Variants in EIF4B observed in about 807,000 individuals in gnomAD.
EIF4B encodes the protein eukaryotic translation initiation factor 4B.
A neutral mutation model predicts 79.3 loss-of-function variants in EIF4B; 8 were observed. The observed-to-expected ratio is 0.10, with a 90% CI of 0.06 to 0.18. The LOEUF (loss-of-function observed/expected upper bound fraction) is 0.18, where lower values mean the gene tolerates loss of function less well. Ranked by LOEUF, EIF4B falls within the 10% of genes least tolerant of loss-of-function variation. The pLI, the probability that EIF4B is intolerant of heterozygous loss-of-function variation, is 1.00. For missense variants in EIF4B, 515 were observed against 792.4 expected (o/e 0.65, Z 4.20); for synonymous variants, 238 against 274.7 (o/e 0.87, Z 1.32).
chr12:53,020,074 T>G (rs753106985), intron 4 of EIF4B, 48 bp downstream of exon 4: 1 of 1,471,720 alleles, frequency 6.8e-7, no homozygotes, highest in South Asian at 1.2e-5. Context: ...TTCACAAATC[T>G]CATGTTTATT....
intron 1 of EIF4B, among the ~76,000 whole-genome samples, chr12:53,007,860 C>T (rs1942995180): frequency 6.6e-6 from 1 of 152,188 alleles, no homozygotes; most frequent in Admixed American, 6.6e-5. Context: ...TTGTCTCCTT[C>T]CATCCTGAGG....
Position 53,022,538 on chromosome 12 carries a change from A to G in EIF4B, c.578A>G (p.Asp193Gly). The change falls in exon 6 of 15, where the codon GAC becomes GGC. Residue 193 changes from aspartate (D) to glycine (G), a missense_variant. This residue lies in a region of EIF4B where 187 missense variants were observed against 256.5 expected (regional missense o/e 0.73). Coordinates refer to ENST00000262056, the MANE Select transcript of EIF4B (RefSeq NM_001417.7). ...GGCCGTGATAGAAATCGGGATTCTGACAAAACAGATACAGACTGGAGGGCT... is the reference window on the plus strand; with the variant it reads ...GGCCGTGATAGAAATCGGGATTCTGGCAAAACAGATACAGACTGGAGGGCT... ...SFGRDRNRDS[D>G]KTDTDWRARP... 2 of 1,613,462 alleles carry G rather than the reference A, an allele frequency of 1.2e-6. No homozygotes were observed. The highest frequency in any genetic ancestry group is 8.5e-7 in the Non-Finnish European group (1 of 1,179,880).
At position 53,011,598 on chromosome 12, in the gene EIF4B, C is replaced by T. The variant is rs183505872; in HGVS notation, c.14-4875C>T. ...GCTAAAATCCCCCCATGACAAATTA[C>T]CTAAGCTAAAATATCAGCAGTGCTG... On this transcript the variant is annotated intron_variant, in intron 1 of 14. Coordinates refer to ENST00000262056, the MANE Select transcript of EIF4B (RefSeq NM_001417.7). Among the ~76,000 whole-genome samples the T allele has an allele frequency of 4.6e-3, 693 of 152,128 alleles. 5 individuals carry two copies. Among genetic ancestry groups the T allele is most frequent in the African/African-American group, 0.015 (640 of 41,492 alleles).
chr12:53,023,338 T>C lies in EIF4B; in HGVS notation c.667+711T>C, dbSNP rs545459381. 1.9e-4 allele frequency among the ~76,000 whole-genome samples: 29 copies of C among 152,206 alleles called. No individual in the cohort carries two copies. In the South Asian group the frequency reaches 5.8e-3, roughly 30 times the overall value. ...ACCTCCACCTCCTGGATTCAAGTGA[T>C]TCTCCTGCCTCAGCCTCCCAAGTAG... is the stretch of plus-strand genomic sequence containing the variant. On this transcript the variant is annotated intron_variant, in intron 6 of 14. Transcript: ENST00000262056.
At chr12:53,025,358 T>C in intron 6 of EIF4B, 2 of 409,216 alleles carry the variant, frequency 4.9e-6, no homozygotes, top group Non-Finnish European at 9.7e-6. Flanking sequence ...GAGTGTGCTG[T>C]TGTTATCCAA....
chr12:53,035,919 G>A (rs1286844796), intron 10 of EIF4B, among the ~76,000 whole-genome samples: 1 of 151,438 alleles, frequency 6.6e-6, no homozygotes, highest in African/African-American at 2.4e-5. Context: ...CCTGGTTCAA[G>A]CAATTCTCCT....
chr12:53,019,092 A>C, intron 3 of EIF4B, 86 bp downstream of exon 3: 1 of 1,443,220 alleles, frequency 6.9e-7, no homozygotes, highest in Non-Finnish European at 9.5e-7. Flanking sequence ...TTGCTGTTGA[A>C]AAAACAACTA....
intron 8 of EIF4B, among the ~76,000 whole-genome samples, chr12:53,030,417 T>G (rs1309688944): frequency 1.8e-5 from 1 of 55,466 alleles, no homozygotes; most frequent in Non-Finnish European, 3.3e-5. Context: ...TATATTCTTT[T>G]TTTTTTTTTT....
At chr12:53,008,215 T>TA (rs1158649295) in intron 1 of EIF4B, among the ~76,000 whole-genome samples, 1 of 152,216 alleles carries the variant, frequency 6.6e-6, no homozygotes, top group Non-Finnish European at 1.5e-5. Flanking sequence ...AGGCGGAACA[T>TA]AGGACAGCAA....
Position 53,039,226 on chromosome 12 carries a change from C to T in EIF4B, c.1577-12C>T, listed in dbSNP as rs769373860. 10 of 1,576,262 alleles carry T rather than the reference C, an allele frequency of 6.3e-6. No homozygotes were observed. The highest frequency in any genetic ancestry group is 7.8e-6 in the Non-Finnish European group (9 of 1,152,892). ...ACTTGCCTTTAATTTGTTTACATTA[C>T]TGCCCAAGCAGATGAAAATAAAGTA... On this transcript the variant is annotated splice_polypyrimidine_tract_variant and intron_variant, in intron 12 of 14. Transcript: ENST00000262056.
At chr12:53,019,384 AGT>A (rs1306929982) in intron 3 of EIF4B, among the ~76,000 whole-genome samples, 1 of 150,860 alleles carries the variant, frequency 6.6e-6, no homozygotes, top group Non-Finnish European at 1.5e-5. Flanking sequence ...GGGCAACAAG[AGT>A]GAAACACCAT....
At chr12:53,023,215 C>G (rs902722497) in intron 6 of EIF4B, among the ~76,000 whole-genome samples, 3 of 152,122 alleles carry the variant, frequency 2.0e-5, no homozygotes, top group Admixed American at 2.0e-4. Flanking sequence ...ATACAAAGAT[C>G]AGTTGCATTA....
At chr12:53,039,377 T>C (rs1943592032) in intron 13 of EIF4B, 34 bp downstream of exon 13, 1 of 1,494,336 alleles carries the variant, frequency 6.7e-7, no homozygotes, top group African/African-American at 1.4e-5. Flanking sequence ...TTTCCTCTGA[T>C]CCACATGTTT....
chr12:53,029,015 A>C (rs533476157), intron 8 of EIF4B, among the ~76,000 whole-genome samples: 1 of 151,282 alleles, frequency 6.6e-6, no homozygotes, highest in East Asian at 2.0e-4. Context: ...CATCCCAGCT[A>C]CTCGGGTGGC....
At chr12:53,031,880 T>C (rs1943453008) in intron 8 of EIF4B, among the ~76,000 whole-genome samples, 1 of 152,212 alleles carries the variant, frequency 6.6e-6, no homozygotes. Flanking sequence ...TTTGTTAAGG[T>C]TACATTACTT....
At chr12:53,029,567 G>T (rs1018309803) in intron 8 of EIF4B, among the ~76,000 whole-genome samples, 4 of 151,946 alleles carry the variant, frequency 2.6e-5, no homozygotes, top group Non-Finnish European at 2.9e-5. Context: ...GTAGAGACAG[G>T]GTTTCACCAT....
At chr12:53,020,874 T>C (rs1322565118) in intron 4 of EIF4B, among the ~76,000 whole-genome samples, 1 of 152,212 alleles carries the variant, frequency 6.6e-6, no homozygotes, top group East Asian at 1.9e-4. Context: ...TAGATTTTTA[T>C]TAACATTACT....
chr12:53,024,857 AC>A (rs1224818924), intron 6 of EIF4B, among the ~76,000 whole-genome samples: 1 of 152,036 alleles, frequency 6.6e-6, no homozygotes, highest in African/African-American at 2.4e-5. Context: ...GGGTTTCACC[AC>A]GTTGGCCAGC....
intron 1 of EIF4B, among the ~76,000 whole-genome samples, chr12:53,010,683 A>G (rs1394900223): frequency 6.6e-6 from 1 of 152,092 alleles, no homozygotes; most frequent in Non-Finnish European, 1.5e-5. Context: ...GAGTCTCACT[A>G]TGGCTCAGGC....
Sources: gnomAD v4.1 joint callset for allele counts (sites outside exome capture counted in the v4.1 genomes callset) on GRCh38, gnomAD v4.1.1 for gene constraint, gnomAD v4.1.1 regional missense constraint, MANE v1.5 for transcripts, NCBI Gene and HGNC (gene_info 2026-07-23, HGNC 2026-07-21) for gene names.